Variants in ZFAT observed in about 807,000 individuals in gnomAD.
ZFAT encodes zinc finger and AT-hook domain containing.
ZFAT carries 64 observed loss-of-function variants against 117.7 expected under a neutral mutation model. That is an observed-to-expected ratio of 0.54 (90% CI 0.44 to 0.67). ZFAT has a LOEUF of 0.67. ZFAT is among the 30% of genes least tolerant of loss of function. ZFAT has a pLI of 0.00. For missense variants in ZFAT, 1,433 were observed against 1,584.5 expected (o/e 0.90, Z 1.62); for synonymous variants, 679 against 615.0 (o/e 1.10, Z -1.54).
chr8:134,730,428 C>T, the ZFAT span, among the ~76,000 whole-genome samples: 1 of 152,230 alleles, frequency 6.6e-6, no homozygotes, highest in Admixed American at 6.5e-5. Context: ...CTCCCCCTTC[C>T]TGCCAGAGAT....
chr8:134,780,610 T>C, the ZFAT span, among the ~76,000 whole-genome samples: 1 of 152,264 alleles, frequency 6.6e-6, no homozygotes, highest in African/African-American at 2.4e-5. Flanking sequence ...TCAGGACCTA[T>C]TATGTTTTAA....
chr8:134,534,942 C>T (rs1821724184), intron 11 of ZFAT, among the ~76,000 whole-genome samples: 1 of 152,198 alleles, frequency 6.6e-6, no homozygotes, highest in South Asian at 2.1e-4. Flanking sequence ...CTCTCTTTCT[C>T]AGGCTTCTGC....
the ZFAT span, among the ~76,000 whole-genome samples, chr8:134,747,511 T>G: frequency 6.6e-6 from 1 of 152,254 alleles, no homozygotes; most frequent in Non-Finnish European, 1.5e-5. Flanking sequence ...CATTTAACAC[T>G]ATTCTTTTAA....
the ZFAT span, among the ~76,000 whole-genome samples, chr8:134,832,138 A>T: frequency 6.8e-6 from 1 of 146,090 alleles, no homozygotes; most frequent in Non-Finnish European, 1.5e-5. Flanking sequence ...GGGGCGCGCG[A>T]GGGGCGGGGG....
chr8:134,726,355 A>G, the ZFAT span, among the ~76,000 whole-genome samples: 1 of 152,170 alleles, frequency 6.6e-6, no homozygotes, highest in African/African-American at 2.4e-5. Context: ...AGCTGACTGC[A>G]TGAGCAGTGG....
intron 14 of ZFAT, 71 bp downstream of exon 14, chr8:134,512,404 G>A: frequency 5.7e-6 from 9 of 1,574,522 alleles, no homozygotes; most frequent in Non-Finnish European, 7.8e-6. Context: ...TCATTCATCT[G>A]CAAACGCATT....
chr8:134,761,664 C>A, the ZFAT span, among the ~76,000 whole-genome samples: 1 of 151,726 alleles, frequency 6.6e-6, no homozygotes, highest in African/African-American at 2.4e-5. Flanking sequence ...CGTGCCACTG[C>A]ACTCCAGCCT....
At chr8:134,726,459 T>G in the ZFAT span, among the ~76,000 whole-genome samples, 2 of 152,220 alleles carry the variant, frequency 1.3e-5, no homozygotes, top group Non-Finnish European at 2.9e-5. Flanking sequence ...CAGTCGAGTG[T>G]TCCTAGAAGA....
Position 134,600,403 on chromosome 8 carries a change from G to C in ZFAT, c.2475+33C>G, listed in dbSNP as rs187545634. 1.1e-5 allele frequency: 17 copies of C among 1,582,628 alleles called. No individual in the cohort carries two copies. The Admixed American group carries it at 1.8e-4, about 17-fold the overall frequency. On this transcript the variant is annotated intron_variant, in intron 7 of 15. Transcript: ENST00000377838. ...TTGAGAAAGCAATGAGCACCCAGGG[G>C]AGACGGGGCTGCCGCTTGGGCTTGC...
intron 5 of ZFAT, 147 bp downstream of exon 5, chr8:134,608,579 ATTC>A (rs1816177648): frequency 2.1e-6 from 2 of 946,878 alleles, no homozygotes; most frequent in South Asian, 3.5e-5. Flanking sequence ...TGGAGGGGTA[ATTC>A]TACTGCTGAA....
chr8:134,752,363 C>T, the ZFAT span, among the ~76,000 whole-genome samples: 1 of 152,220 alleles, frequency 6.6e-6, no homozygotes, highest in East Asian at 1.9e-4. Context: ...CAGTGACTTA[C>T]CTCACATGGC....
the ZFAT span, among the ~76,000 whole-genome samples, chr8:134,830,085 T>C: frequency 1.3e-5 from 2 of 152,244 alleles, no homozygotes; most frequent in East Asian, 1.9e-4. Flanking sequence ...TCCATGAACA[T>C]ATGACCTCCA....
At chr8:134,736,469 T>C in the ZFAT span, among the ~76,000 whole-genome samples, 1 of 152,136 alleles carries the variant, frequency 6.6e-6, no homozygotes, top group South Asian at 2.1e-4. Flanking sequence ...ATACAAACAT[T>C]ATGGAATGCA....
chr8:134,600,818 G>C (rs1434384744), intron 6 of ZFAT, 150 bp from the exon 7 acceptor site: 4 of 664,238 alleles, frequency 6.0e-6, no homozygotes, highest in Non-Finnish European at 2.4e-6. Flanking sequence ...ATTTCTGTCT[G>C]AAAATTACTC....
intron 15 of ZFAT, among the ~76,000 whole-genome samples, chr8:134,480,919 T>A (rs1432785479): frequency 6.6e-6 from 1 of 152,156 alleles, no homozygotes; most frequent in African/African-American, 2.4e-5. Flanking sequence ...TCATGTTTAA[T>A]TCAGAGAGAA....
At chr8:134,562,165 A>C (rs1824099351) in intron 11 of ZFAT, among the ~76,000 whole-genome samples, 1 of 152,176 alleles carries the variant, frequency 6.6e-6, no homozygotes, top group Non-Finnish European at 1.5e-5. Flanking sequence ...ATGAAGATGA[A>C]GGGAGTGGCC....
chr8:134,534,672 AGAG>A (rs376555891), intron 11 of ZFAT, among the ~76,000 whole-genome samples: 14 of 146,020 alleles, frequency 9.6e-5, no homozygotes, highest in African/African-American at 3.3e-4. Flanking sequence ...ACAAGAAGAG[AGAG>A]GAGGAGAGAG....
At chr8:134,627,803 C>T (rs967707857) in intron 3 of ZFAT, among the ~76,000 whole-genome samples, 4 of 152,204 alleles carry the variant, frequency 2.6e-5, no homozygotes, top group Non-Finnish European at 4.4e-5. Context: ...AAGTGATACA[C>T]CCACACAGAA....
intron 3 of ZFAT, among the ~76,000 whole-genome samples, chr8:134,614,876 C>T (rs150606732): frequency 2.0e-4 from 31 of 152,232 alleles, no homozygotes; most frequent in South Asian, 1.9e-3. Context: ...GACCAAACAA[C>T]GTCTAAATCT....
Sources: allele counts gnomAD v4.1 joint callset (sites outside exome capture counted in the v4.1 genomes callset), GRCh38; gene constraint gnomAD v4.1.1; transcripts MANE v1.5; gene names NCBI Gene and HGNC (gene_info 2026-07-23, HGNC 2026-07-21).